Variants in PLA1A observed in about 807,000 individuals in gnomAD.
The protein encoded by PLA1A is phospholipase A1 member A, also known as phosphatidylserine-specific phospholipase A1alpha.
In PLA1A, 47 loss-of-function variants were observed where a neutral mutation model predicts 49.4. The observed-to-expected ratio is 0.95, with a 90% CI of 0.75 to 1.21. The LOEUF is 1.21. PLA1A is among the 50% of genes most tolerant of loss of function. PLA1A has a pLI of 0.00. For missense variants in PLA1A, 561 were observed against 563.9 expected (o/e 0.99, Z 0.05); for synonymous variants, 224 against 207.9 (o/e 1.08, Z -0.67).
chr3:119,618,601 G>C lies in PLA1A; in HGVS notation c.922+415G>C, dbSNP rs372872869. Among the ~76,000 whole-genome samples, 139 of 152,328 alleles carry C rather than the reference G, an allele frequency of 9.1e-4. 1 individual carries two copies. The highest frequency in any genetic ancestry group is 2.3e-3 in the South Asian group (11 of 4,824). ...ACCTACATTACAGGTCGGATATTCT[G>C]GTGGCCTCGTGAGAGCTGGGGGGAT... On this transcript the variant is annotated intron_variant, in intron 7 of 10. Transcript: ENST00000273371.
intron 5 of PLA1A, among the ~76,000 whole-genome samples, chr3:119,614,605 C>CAA (rs57980425): frequency 2.8e-3 from 191 of 67,196 alleles, no homozygotes; most frequent in Non-Finnish European, 4.1e-3. Flanking sequence ...GACTTCGTCT[C>CAA]AAAAAAAAAA....
chr3:119,613,850 G>A (rs958651614), intron 5 of PLA1A, among the ~76,000 whole-genome samples: 27 of 151,288 alleles, frequency 1.8e-4, no homozygotes, highest in South Asian at 4.2e-4. Flanking sequence ...CCGACATCGC[G>A]CTACTGCACG....
intron 2 of PLA1A, 54 bp downstream of exon 2, chr3:119,607,029 T>C: frequency 2.8e-6 from 4 of 1,405,548 alleles, no homozygotes; most frequent in Non-Finnish European, 3.0e-6. Flanking sequence ...CAAGTAACCA[T>C]AATACCATAA....
Position 119,629,791 on chromosome 3 carries a change from A to G in PLA1A, c.*323A>G, listed in dbSNP as rs552535819. 10 of 279,994 alleles carry G rather than the reference A, an allele frequency of 3.6e-5. No individual in the cohort carries two copies. The highest frequency in any genetic ancestry group is 1.7e-4 in the African/African-American group (8 of 46,210). The allele number at this position is 279,994 out of a possible 1,614,324, so 17.3% of individuals were successfully genotyped here. A position where few individuals can be genotyped will look rare whatever the true frequency, so the allele number is the denominator to read the frequency against. ...CAGGGTAAACAATTTTTTAAAAATA[A>G]AACTTCATGGAGTATCTGAATCATT... On this transcript the variant is annotated 3_prime_UTR_variant, in exon 11 of 11. Coordinates refer to ENST00000273371, the MANE Select transcript of PLA1A (RefSeq NM_015900.4).
chr3:119,623,738 T>G (rs1245742287), intron 8 of PLA1A, among the ~76,000 whole-genome samples: 3 of 146,978 alleles, frequency 2.0e-5, no homozygotes, highest in Admixed American at 2.0e-4. Context: ...TTTTTTTTTT[T>G]TTTGAGACAG....
At chr3:119,608,253 A>AAAGAAAG (rs2082718452) in intron 2 of PLA1A, among the ~76,000 whole-genome samples, 10 of 125,262 alleles carry the variant, frequency 8.0e-5, no homozygotes, top group South Asian at 2.5e-4. Context: ...AGAAAGAAAG[A>AAAGAAAG]AAGAAAGAAA....
At chr3:119,607,689 A>G (rs1022790877) in intron 2 of PLA1A, among the ~76,000 whole-genome samples, 1 of 152,156 alleles carries the variant, frequency 6.6e-6, no homozygotes. Flanking sequence ...ACTCAGCTAC[A>G]TGTTTCCTTA....
At chr3:119,617,207 C>T (rs1424916963) in intron 6 of PLA1A, among the ~76,000 whole-genome samples, 6 of 152,112 alleles carry the variant, frequency 3.9e-5, no homozygotes, top group Non-Finnish European at 5.9e-5. Context: ...TTGACAAATT[C>T]GGCATATCAG....
At chr3:119,626,083 G>A (rs1432290607) in intron 9 of PLA1A, among the ~76,000 whole-genome samples, 2 of 152,146 alleles carry the variant, frequency 1.3e-5, no homozygotes, top group African/African-American at 2.4e-5. Flanking sequence ...CAGAGATGGG[G>A]ACACAATGCA....
intron 8 of PLA1A, among the ~76,000 whole-genome samples, chr3:119,620,689 A>G (rs1170597228): frequency 2.6e-5 from 4 of 152,226 alleles, no homozygotes; most frequent in Non-Finnish European, 4.4e-5. Flanking sequence ...TCCTTCCCTT[A>G]GTCAATCAGA....
rs1295439337 is a variant in PLA1A, at chr3:119,608,882, T to A, written c.388T>A (p.Phe130Ile). The A allele has an allele frequency of 1.2e-6, 2 of 1,614,056 alleles. No individual in the cohort carries two copies. Among genetic ancestry groups the A allele is most frequent in the Non-Finnish European group, 1.7e-6 (2 of 1,179,896 alleles). ...DWIYGSTGVY[F>I]SAVKNVIKLS... The stretch of plus-strand genomic sequence containing the variant: ...GATTTATGGGTCTACAGGAGTCTAC[T>A]TCTCAGCTGTGAAAAATGTGATTAA... The change falls in exon 3 of 11, where the codon TTC (phenylalanine) becomes ATC (isoleucine). Residue 130 changes from phenylalanine to isoleucine, a missense_variant. Transcript: ENST00000273371.
intron 7 of PLA1A, among the ~76,000 whole-genome samples, chr3:119,618,721 C>T (rs552413014): frequency 1.4e-4 from 22 of 152,212 alleles, no homozygotes; most frequent in African/African-American, 4.8e-4. Flanking sequence ...GCCTCTAACT[C>T]ACTTGTGTAG....
At chr3:119,608,279 A>C (rs1293310980) in intron 2 of PLA1A, among the ~76,000 whole-genome samples, 1 of 151,314 alleles carries the variant, frequency 6.6e-6, no homozygotes, top group Non-Finnish European at 1.5e-5. Context: ...AAAGAAAGAA[A>C]GAAAGAAAGA....
At chr3:119,606,036 C>G (rs1455472300) in intron 1 of PLA1A, among the ~76,000 whole-genome samples, 1 of 152,224 alleles carries the variant, frequency 6.6e-6, no homozygotes, top group Non-Finnish European at 1.5e-5. Context: ...AGTGTTCAGA[C>G]TAGACTGAGG....
At chr3:119,626,803 C>T (rs1439365660) in intron 9 of PLA1A, among the ~76,000 whole-genome samples, 2 of 152,180 alleles carry the variant, frequency 1.3e-5, no homozygotes, top group Non-Finnish European at 2.9e-5. Context: ...CTAGGTACAG[C>T]CATCAGGATT....
At chr3:119,603,386 G>C (rs1265240738) in intron 1 of PLA1A, among the ~76,000 whole-genome samples, 2 of 152,222 alleles carry the variant, frequency 1.3e-5, no homozygotes, top group African/African-American at 2.4e-5. Context: ...AGATAGGAAA[G>C]AGTCAAAGAT....
chr3:119,621,942 G>A (rs2082939180), intron 8 of PLA1A, among the ~76,000 whole-genome samples: 1 of 152,150 alleles, frequency 6.6e-6, no homozygotes, highest in African/African-American at 2.4e-5. Context: ...AAGTAGGCCA[G>A]GTGCAGTGGC....
At chr3:119,602,078 T>C (rs1016439536) in intron 1 of PLA1A, among the ~76,000 whole-genome samples, 1 of 152,174 alleles carries the variant, frequency 6.6e-6, no homozygotes, top group Non-Finnish European at 1.5e-5. Flanking sequence ...TTTGCTGATA[T>C]TTTATCTTAG....
chr3:119,598,940 G>A (rs555973924), intron 1 of PLA1A, among the ~76,000 whole-genome samples: 1 of 152,206 alleles, frequency 6.6e-6, no homozygotes, highest in Non-Finnish European at 1.5e-5. Flanking sequence ...AGCTCTGTAT[G>A]TGCTTTCTCC....
Sources: allele counts gnomAD v4.1 joint callset (sites outside exome capture counted in the v4.1 genomes callset), GRCh38; gene constraint gnomAD v4.1.1; transcripts MANE v1.5; gene names NCBI Gene and HGNC (gene_info 2026-07-23, HGNC 2026-07-21).